SLC44A5: variants seen among roughly 807,000 people sequenced by gnomAD.
The protein encoded by SLC44A5 is choline transporter-like protein 5.
Under a neutral mutation model 101.8 loss-of-function variants are expected in SLC44A5, and 57 were observed. The ratio of observed to expected loss-of-function variants is 0.56; its 90% CI spans 0.45 to 0.70. The LOEUF (loss-of-function observed/expected upper bound fraction) is 0.70. Ranked by LOEUF, SLC44A5 falls within the 30% of genes least tolerant of loss-of-function variation. The pLI is 0.00. For synonymous variants in SLC44A5, 281 were observed against 290.9 expected, an observed-to-expected ratio of 0.97 and a Z score of 0.35; for missense variants, 737 against 853.1, an observed-to-expected ratio of 0.86 and a Z score of 1.70.
intron 2 of SLC44A5, among the ~76,000 whole-genome samples, chr1:75,501,473 T>C (rs1393202104): frequency 1.3e-5 from 2 of 152,228 alleles, no homozygotes; most frequent in African/African-American, 4.8e-5. Flanking sequence ...TGCTACTTTT[T>C]CAAGGTAATC....
Position 75,579,787 on chromosome 1 carries a change from CAAAG to C in SLC44A5, c.-70+31249_-70+31252del, listed in dbSNP as rs1053842775. Among the ~76,000 whole-genome samples the C allele has an allele frequency of 3.3e-4, 49 of 148,704 alleles. 1 individual carries two copies. The highest frequency in any genetic ancestry group is 1.3e-4 in the Non-Finnish European group (9 of 67,376). On this transcript the variant is annotated intron_variant, in intron 1 of 23. Transcript: ENST00000370859. ...AATGATTCTATAGATTTTCCTTTAA[CAAAG>C]AGAGAGGATTTGGAGAAGACAAAAT...
the SLC44A5 span, chr1:75,641,376 C>A: frequency 9.5e-6 from 8 of 842,158 alleles, 1 homozygote; most frequent in South Asian, 1.1e-4. Context: ...GGCATAAACT[C>A]TTCATGTGTA....
At chr1:75,648,354 C>T in the SLC44A5 span, among the ~76,000 whole-genome samples, 3 of 152,070 alleles carry the variant, frequency 2.0e-5, no homozygotes, top group African/African-American at 7.2e-5. Context: ...CAGTTTTGGA[C>T]AGTTCTTAAT....
At chr1:75,642,153 G>T in the SLC44A5 span, 1 of 776,000 alleles carries the variant, frequency 1.3e-6, no homozygotes, top group Non-Finnish European at 2.0e-6. Flanking sequence ...TAAATAAATA[G>T]CATCAGAAGA....
intron 2 of SLC44A5, among the ~76,000 whole-genome samples, chr1:75,497,899 T>G (rs1378207911): frequency 6.6e-6 from 1 of 152,094 alleles, no homozygotes; most frequent in Admixed American, 6.6e-5. Context: ...ATTTTTTGAG[T>G]ACTGCTGGAT....
At chr1:75,698,080 G>T in the SLC44A5 span, among the ~76,000 whole-genome samples, 2 of 152,212 alleles carry the variant, frequency 1.3e-5, no homozygotes, top group Non-Finnish European at 2.9e-5. Context: ...TGGGAGAGGG[G>T]TGTCCGCCAT....
At chr1:75,459,431 C>T (rs76238182) in intron 2 of SLC44A5, among the ~76,000 whole-genome samples, 35,602 of 152,000 alleles carry the variant, frequency 0.23, 4,287 homozygotes, top group African/African-American at 0.27. Flanking sequence ...ATATAAAGCA[C>T]TTTCATCCTC....
At chr1:75,270,488 T>C (rs898688936) in intron 6 of SLC44A5, among the ~76,000 whole-genome samples, 2 of 152,162 alleles carry the variant, frequency 1.3e-5, no homozygotes, top group Non-Finnish European at 1.5e-5. Flanking sequence ...GGGAAAATAG[T>C]TTGATTTCCA....
At position 75,203,717 on chromosome 1, in the gene SLC44A5, G is replaced by C. The variant is rs1353467226; in HGVS notation, c.*10C>G. ...GTAACACACAGCTGTAGGACGACCA[G>C]TTTGCTCTTCTACTGCTTCCTAGTT... On this transcript the variant is annotated 3_prime_UTR_variant, in exon 24 of 24. Transcript: ENST00000370859. 1 of 1,546,992 alleles carries C rather than the reference G, an allele frequency of 6.5e-7. No individual in the cohort carries two copies. Among genetic ancestry groups the C allele is most frequent in the East Asian group, 2.5e-5 (1 of 40,760 alleles).
At chr1:75,645,383 A>G in the SLC44A5 span, among the ~76,000 whole-genome samples, 6 of 152,178 alleles carry the variant, frequency 3.9e-5, no homozygotes, top group East Asian at 1.9e-4. Flanking sequence ...GCCAGTGATG[A>G]TGAGCATTTT....
intron 1 of SLC44A5, among the ~76,000 whole-genome samples, chr1:75,576,337 G>A (rs758263528): frequency 2.0e-5 from 3 of 151,594 alleles, no homozygotes; most frequent in African/African-American, 4.8e-5. Flanking sequence ...CTTTTTGAGA[G>A]GAAGTCTTGC....
At chr1:75,397,812 A>G (rs1255060127) in intron 2 of SLC44A5, among the ~76,000 whole-genome samples, 1 of 152,138 alleles carries the variant, frequency 6.6e-6, no homozygotes, top group African/African-American at 2.4e-5. Flanking sequence ...CAATATAACT[A>G]CTAGCCTCCA....
chr1:75,429,176 C>A (rs1457716206), intron 2 of SLC44A5, among the ~76,000 whole-genome samples: 1 of 152,090 alleles, frequency 6.6e-6, no homozygotes, highest in Non-Finnish European at 1.5e-5. Flanking sequence ...TAACTACTTC[C>A]TAAAAGAATA....
the SLC44A5 span, among the ~76,000 whole-genome samples, chr1:75,700,384 A>C: frequency 6.6e-6 from 1 of 151,002 alleles, no homozygotes; most frequent in African/African-American, 2.4e-5. Flanking sequence ...ATGGAAACTG[A>C]ACAACCTGCT....
At chr1:75,383,523 A>G (rs1468709497) in intron 3 of SLC44A5, among the ~76,000 whole-genome samples, 2 of 152,224 alleles carry the variant, frequency 1.3e-5, no homozygotes, top group Non-Finnish European at 2.9e-5. Flanking sequence ...ATAAAAAGAA[A>G]TGAGCAAAGC....
At chr1:75,602,887 T>A (rs1675061640) in intron 1 of SLC44A5, among the ~76,000 whole-genome samples, 1 of 152,140 alleles carries the variant, frequency 6.6e-6, no homozygotes, top group African/African-American at 2.4e-5. Context: ...AAGCTTAAAA[T>A]AAGTTTTGAC....
intron 2 of SLC44A5, among the ~76,000 whole-genome samples, chr1:75,520,787 A>C (rs1670075480): frequency 2.0e-5 from 3 of 152,216 alleles, no homozygotes; most frequent in Admixed American, 2.0e-4. Flanking sequence ...CTTGTAAGAA[A>C]ATAGAGTACA....
chr1:75,418,908 A>G (rs1350727154), intron 2 of SLC44A5, among the ~76,000 whole-genome samples: 1 of 152,208 alleles, frequency 6.6e-6, no homozygotes, highest in East Asian at 1.9e-4. Flanking sequence ...ATAAAATACA[A>G]CAGTTTTCAA....
chr1:75,653,182 C>T, the SLC44A5 span, among the ~76,000 whole-genome samples: 1 of 152,098 alleles, frequency 6.6e-6, no homozygotes, highest in African/African-American at 2.4e-5. Context: ...TTGAAACAAA[C>T]TCAGAAACTC....
Sources: gnomAD v4.1 joint callset for allele counts (sites outside exome capture counted in the v4.1 genomes callset) on GRCh38, gnomAD v4.1.1 for gene constraint, MANE v1.5 for transcripts, NCBI Gene and HGNC (gene_info 2026-07-23, HGNC 2026-07-21) for gene names.